COG5: variants seen among roughly 807,000 people sequenced by gnomAD.
COG5 encodes the protein component of oligomeric golgi complex 5, also known as conserved oligomeric Golgi complex subunit 5.
A neutral mutation model predicts 110.4 loss-of-function variants in COG5; 86 were observed. The observed-to-expected ratio is 0.78, with a 90% CI of 0.65 to 0.93. The LOEUF (loss-of-function observed/expected upper bound fraction) is 0.93, where lower values mean the gene tolerates loss of function less well. Among genes scored for constraint, COG5 ranks in the 40% least tolerant of loss-of-function variants. The pLI, the probability that COG5 is intolerant of heterozygous loss-of-function variation, is 0.00. For missense variants in COG5, 1,077 were observed against 987.0 expected (o/e 1.09, Z -1.22); for synonymous variants, 360 against 334.6 (o/e 1.08, Z -0.83).
intron 5 of COG5, among the ~76,000 whole-genome samples, chr7:107,547,439 C>A (rs1290681861): frequency 6.6e-6 from 1 of 152,164 alleles, no homozygotes; most frequent in Non-Finnish European, 1.5e-5. Context: ...AAGTTGAAAG[C>A]TTTTCCTCTA....
chr7:107,539,945 C>T (rs1237846347), intron 5 of COG5, among the ~76,000 whole-genome samples: 4 of 152,106 alleles, frequency 2.6e-5, no homozygotes, highest in South Asian at 2.1e-4. Flanking sequence ...TCTCAGATTA[C>T]CACTGGGAGA....
At chr7:107,445,162 C>CT (rs1794932556) in intron 6 of COG5, among the ~76,000 whole-genome samples, 1 of 151,888 alleles carries the variant, frequency 6.6e-6, no homozygotes, top group Non-Finnish European at 1.5e-5. Context: ...GATTAGGCCA[C>CT]TGCACTCCAG....
At chr7:107,297,443 C>CTTTTTTTTTTTTTT (rs71314693) in intron 12 of COG5, among the ~76,000 whole-genome samples, 1 of 77,986 alleles carries the variant, frequency 1.3e-5, no homozygotes, top group Non-Finnish European at 2.3e-5. Flanking sequence ...TACATTCTGC[C>CTTTTTTTTTTTTTT]TTTTTTTTTT....
intron 11 of COG5, among the ~76,000 whole-genome samples, chr7:107,309,798 A>G (rs558173290): frequency 3.3e-5 from 5 of 151,902 alleles, no homozygotes; most frequent in Admixed American, 6.6e-5. Context: ...TAAAATACTT[A>G]TATGGCTTCA....
At chr7:107,395,586 C>CTTTTTT (rs1790938364) in intron 7 of COG5, among the ~76,000 whole-genome samples, 1 of 59,070 alleles carries the variant, frequency 1.7e-5, no homozygotes, top group African/African-American at 6.8e-5. Context: ...AGGAATTTTA[C>CTTTTTT]TCTTGTTGCC....
At chr7:107,548,391 A>G in intron 3 of COG5, 59 bp from the exon 4 acceptor site, 1 of 1,476,458 alleles carries the variant, frequency 6.8e-7, no homozygotes, top group Non-Finnish European at 9.5e-7. Flanking sequence ...AACTGGGTAA[A>G]TAGTTAAATT....
intron 6 of COG5, among the ~76,000 whole-genome samples, chr7:107,442,970 A>C (rs796354677): frequency 8.5e-5 from 13 of 152,312 alleles, no homozygotes; most frequent in African/African-American, 3.1e-4. Flanking sequence ...AAGATGCAAC[A>C]TCAAGGGTTT....
rs574756948 is a variant in COG5, at chr7:107,412,938, GTAAA to G, written c.539-310_539-307del. Among the ~76,000 whole-genome samples, 304 of 151,908 alleles carry G rather than the reference GTAAA, an allele frequency of 2.0e-3. 2 individuals carry two copies. Among genetic ancestry groups the G allele is most frequent in the African/African-American group, 6.9e-3 (287 of 41,486 alleles). On this transcript the variant is annotated intron_variant, in intron 6 of 21. Coordinates refer to ENST00000297135, the MANE Select transcript of COG5 (RefSeq NM_006348.5). ...AAAGTGTCAAATTTAGTATTTTAAA[GTAAA>G]TAAATATTCTCACATTTTCAGAAAA...
intron 5 of COG5, among the ~76,000 whole-genome samples, chr7:107,546,825 T>G (rs1231913774): frequency 6.6e-6 from 1 of 151,868 alleles, no homozygotes; most frequent in African/African-American, 2.4e-5. Flanking sequence ...AAAAATTGAA[T>G]CATAAAGAAA....
intron 11 of COG5, among the ~76,000 whole-genome samples, chr7:107,313,852 C>G (rs138108555): frequency 2.6e-5 from 4 of 152,214 alleles, no homozygotes; most frequent in South Asian, 2.1e-4. Context: ...AACATAATCA[C>G]AGATTCTGGA....
At chr7:107,217,723 C>T (rs1016836241) in intron 19 of COG5, among the ~76,000 whole-genome samples, 3 of 151,856 alleles carry the variant, frequency 2.0e-5, no homozygotes, top group African/African-American at 7.2e-5. Context: ...AACAAATTAA[C>T]GGCCACATAC....
chr7:107,236,517 C>T lies in COG5; in HGVS notation c.2024G>A (p.Arg675His), dbSNP rs745531523. Residue 675 changes from arginine (R) to histidine (H), a missense_variant, in exon 18 of 22, where the codon CGC (arginine) becomes CAC (histidine). By Grantham distance (29) the Arg-to-His change is conservative. Transcript: ENST00000297135. ...AAGAGGTCTTATGAGACTGGCATGG[C>T]GGATAAAAAGTTCAACAGCTCTTTG... The part of the protein sequence containing the change: ...IAQRAVELFI[R>H]HASLIRPLGE... 38 of 1,614,070 alleles carry T rather than the reference C, an allele frequency of 2.4e-5. No individual in the cohort carries two copies. The South Asian group carries it at 2.4e-4, about 10-fold the overall frequency.
At chr7:107,512,889 A>G (rs1415606348) in intron 6 of COG5, among the ~76,000 whole-genome samples, 2 of 151,748 alleles carry the variant, frequency 1.3e-5, no homozygotes, top group Admixed American at 6.6e-5. Context: ...CTTATACAAA[A>G]ATTAATTCAA....
rs1794250274 is a variant in COG5 at position 107,434,742 on chromosome 7, G to A, written c.539-22110C>T. On this transcript the variant is annotated intron_variant, in intron 6 of 21. Coordinates refer to ENST00000297135, the MANE Select transcript of COG5 (RefSeq NM_006348.5). ...TCCCAGCACTTTGGGAGGCCAAGGT[G>A]GGCGGATCACTAGGTCAGGAGATCA... Among the ~76,000 whole-genome samples, 9 of 152,026 alleles carry A rather than the reference G, an allele frequency of 5.9e-5. No individual in the cohort carries two copies. In the South Asian group the frequency reaches 1.9e-3, roughly 32 times the overall value.
At chr7:107,500,096 C>A (rs1798544154) in intron 6 of COG5, among the ~76,000 whole-genome samples, 2 of 152,012 alleles carry the variant, frequency 1.3e-5, no homozygotes, top group South Asian at 4.2e-4. Context: ...AGAATGGAAA[C>A]AAAGGAAGTG....
At chr7:107,419,987 A>G (rs1236991560) in intron 6 of COG5, among the ~76,000 whole-genome samples, 1 of 152,264 alleles carries the variant, frequency 6.6e-6, no homozygotes. Flanking sequence ...AATCTTTGAA[A>G]TTAATCTTTA....
intron 6 of COG5, among the ~76,000 whole-genome samples, chr7:107,427,361 A>G (rs1033588077): frequency 7.9e-5 from 12 of 152,182 alleles, no homozygotes; most frequent in African/African-American, 2.9e-4. Context: ...TTTCTTCACT[A>G]AACTCCCTTC....
intron 6 of COG5, among the ~76,000 whole-genome samples, chr7:107,526,561 T>C (rs962586165): frequency 1.3e-5 from 2 of 152,216 alleles, no homozygotes; most frequent in African/African-American, 4.8e-5. Flanking sequence ...TTCTCTAGAA[T>C]ATTTCCTAGA....
At chr7:107,295,093 ATATATATAT>A (rs1292048042) in intron 12 of COG5, among the ~76,000 whole-genome samples, 12 of 77,162 alleles carry the variant, frequency 1.6e-4, no homozygotes, top group African/African-American at 3.1e-4. Flanking sequence ...ATATATATAT[ATATATATAT>A]TTTTTTTTTT....
Sources: allele counts gnomAD v4.1 joint callset (sites outside exome capture counted in the v4.1 genomes callset), GRCh38; gene constraint gnomAD v4.1.1; transcripts MANE v1.5; gene names NCBI Gene and HGNC (gene_info 2026-07-23, HGNC 2026-07-21).